PRKDC: variants seen among roughly 807,000 people sequenced by gnomAD.
PRKDC encodes DNA-dependent protein kinase catalytic subunit.
A neutral mutation model predicts 486.9 loss-of-function variants in PRKDC; 82 were observed. The observed-to-expected ratio is 0.17, with a 90% CI of 0.14 to 0.20. The LOEUF (loss-of-function observed/expected upper bound fraction) is 0.20, where lower values mean the gene tolerates loss of function less well. PRKDC is among the 10% of genes least tolerant of loss of function. The pLI is 1.00. For missense variants in PRKDC, 4,504 were observed against 5,038.2 expected (o/e 0.89, Z 3.21); for synonymous variants, 1,895 against 1,837.0 (o/e 1.03, Z -0.81).
chr8:47,805,141 GATCA>G (rs1305771943), intron 69 of PRKDC: 3 of 151,998 alleles, frequency 2.0e-5, no homozygotes, highest in African/African-American at 7.3e-5. Context: ...AAATGTTTGT[GATCA>G]ATTAGTTGCA....
At chr8:47,853,491 A>G (rs550259783) in intron 51 of PRKDC, among the ~76,000 whole-genome samples, 1 of 152,232 alleles carries the variant, frequency 6.6e-6, no homozygotes, top group South Asian at 2.1e-4. Flanking sequence ...GAGCAGGACA[A>G]AGATGTCCTG....
chr8:47,953,475 CG>C, intron 7 of PRKDC, 144 bp downstream of exon 7: 1 of 761,250 alleles, frequency 1.3e-6, no homozygotes, highest in Non-Finnish European at 2.2e-6. Context: ...CAGGGGAACT[CG>C]GGAGGGCCCA....
chr8:47,943,478 T>C (rs2090480210), intron 9 of PRKDC, 112 bp from the exon 10 acceptor site: 8 of 1,126,284 alleles, frequency 7.1e-6, no homozygotes, highest in Non-Finnish European at 9.9e-6. Context: ...GAAGATCTAG[T>C]ACCATTACAC....
intron 73 of PRKDC, among the ~76,000 whole-genome samples, chr8:47,796,639 G>A (rs1405022035): frequency 4.6e-5 from 7 of 151,002 alleles, no homozygotes; most frequent in Non-Finnish European, 2.9e-5. Flanking sequence ...TTGCTCTGTC[G>A]TCTAGGCTAG....
intron 48 of PRKDC, among the ~76,000 whole-genome samples, chr8:47,857,652 C>A (rs1284733170): frequency 6.6e-6 from 1 of 152,170 alleles, no homozygotes; most frequent in African/African-American, 2.4e-5. Flanking sequence ...CTGCCAGCAG[C>A]TTGATCTCAG....
intron 40 of PRKDC, among the ~76,000 whole-genome samples, chr8:47,870,433 A>C (rs2088925205): frequency 6.6e-6 from 1 of 152,200 alleles, no homozygotes; most frequent in Non-Finnish European, 1.5e-5. Context: ...TTGTACCAAG[A>C]CCACTAAGGT....
At chr8:47,811,489 G>T (rs1269055032) in intron 68 of PRKDC, among the ~76,000 whole-genome samples, 1 of 152,176 alleles carries the variant, frequency 6.6e-6, no homozygotes, top group Non-Finnish European at 1.5e-5. Flanking sequence ...GTACAGTGTG[G>T]TAAGTATAAT....
Position 47,782,798 on chromosome 8 carries a change from T to C in PRKDC, c.11176-200A>G. 1 of 598,614 alleles carries C rather than the reference T, an allele frequency of 1.7e-6. No homozygotes were observed. 37.1% of individuals were successfully genotyped at this position (598,614 alleles called of 1,614,324 possible). ...TGTGCCCGCAGAAATGTTGTATTCC[T>C]GATTATAAATACTTGCTTATGAATG... On this transcript the variant is annotated intron_variant, in intron 78 of 85. Transcript: ENST00000314191. This position sits in a 1 kb window ranked among gnomAD's most constrained non-coding sequence, Gnocchi z 4.9.
intron 40 of PRKDC, among the ~76,000 whole-genome samples, chr8:47,868,431 GT>G (rs1465391831): frequency 6.6e-6 from 1 of 151,860 alleles, no homozygotes; most frequent in East Asian, 1.9e-4. Flanking sequence ...AAGGCTGGGC[GT>G]GATAGCATGC....
Position 47,877,758 on chromosome 8 carries a change from A to C in PRKDC, c.5329T>G (p.Leu1777Val), listed in dbSNP as rs1407710340. 9 of 1,595,202 alleles carry C rather than the reference A, an allele frequency of 5.6e-6. No individual in the cohort carries two copies. The highest frequency in any genetic ancestry group is 3.4e-5 in the Admixed American group (2 of 58,514). ...CREQQHVMEE[L>V]FQSSFRRIAR... ...ATCCTCCTGAAACTGGATTGAAATAATTCTTCCATGACATGCTGCTGTTCC... is the reference window on the plus strand; with the variant it reads ...ATCCTCCTGAAACTGGATTGAAATACTTCTTCCATGACATGCTGCTGTTCC... The change falls in exon 40 of 86, where the codon TTA becomes GTA. Residue 1777 changes from leucine (L) to valine (V), a missense_variant. Coordinates refer to ENST00000314191, the MANE Select transcript of PRKDC (RefSeq NM_006904.7).
intron 62 of PRKDC, among the ~76,000 whole-genome samples, chr8:47,827,554 A>C (rs1442887369): frequency 6.6e-6 from 1 of 152,190 alleles, no homozygotes; most frequent in East Asian, 1.9e-4. Context: ...GACTTCTCTG[A>C]CCACTGCATC....
At chr8:47,792,273 T>G (rs928687576) in intron 74 of PRKDC, among the ~76,000 whole-genome samples, 1 of 150,906 alleles carries the variant, frequency 6.6e-6, no homozygotes, top group Non-Finnish European at 1.5e-5. Flanking sequence ...TTTTTTTTTT[T>G]GTTGAGACAG....
chr8:47,898,097 T>G (rs1451359031), intron 29 of PRKDC, among the ~76,000 whole-genome samples: 1 of 152,242 alleles, frequency 6.6e-6, no homozygotes, highest in African/African-American at 2.4e-5. Flanking sequence ...ATGTTACTAT[T>G]TGAACATTCA....
chr8:47,787,954 A>T (rs2086818041), intron 76 of PRKDC, among the ~76,000 whole-genome samples: 1 of 152,256 alleles, frequency 6.6e-6, no homozygotes, highest in Admixed American at 6.5e-5. Flanking sequence ...CATGTGAATT[A>T]TATAGTAACA....
chr8:47,895,985 G>A (rs180931307), intron 30 of PRKDC, among the ~76,000 whole-genome samples: 1 of 152,048 alleles, frequency 6.6e-6, no homozygotes, highest in African/African-American at 2.4e-5. Flanking sequence ...GCTGCAGTGA[G>A]CCAAGATCGT....
At chr8:47,861,048 G>T in intron 44 of PRKDC, 77 bp from the exon 45 acceptor site, 1 of 954,708 alleles carries the variant, frequency 1.0e-6, no homozygotes, top group Non-Finnish European at 1.5e-6. Flanking sequence ...GTAGCAATCT[G>T]GCAAAAAAAA....
At chr8:47,812,351 G>A (rs2154498645) in intron 68 of PRKDC, among the ~76,000 whole-genome samples, 1 of 152,152 alleles carries the variant, frequency 6.6e-6, no homozygotes, top group South Asian at 2.1e-4. Flanking sequence ...AGTTTACATA[G>A]GTATTTACTA....
intron 32 of PRKDC, among the ~76,000 whole-genome samples, 143 bp downstream of exon 32, chr8:47,890,089 TCTTCCTGAAGTCAGGAAAAGCTGGG>T (rs2089427385): frequency 1.3e-5 from 2 of 151,784 alleles, no homozygotes; most frequent in Admixed American, 1.3e-4. Flanking sequence ...TCTTCCTGGT[TCTTCCTGAAGTCAGGAAAAGCTGGG>T]TTGAGAGGAT....
chr8:47,899,857 T>A (rs1285954527), intron 28 of PRKDC, among the ~76,000 whole-genome samples: 2 of 152,218 alleles, frequency 1.3e-5, no homozygotes, highest in Non-Finnish European at 2.9e-5. Flanking sequence ...TTGTAATCAT[T>A]TATTACTCTC....
Sources: gnomAD v4.1 joint callset for allele counts (sites outside exome capture counted in the v4.1 genomes callset) on GRCh38, gnomAD v4.1.1 for gene constraint, Gnocchi (gnomAD v3.1) non-coding constraint, MANE v1.5 for transcripts, NCBI Gene and HGNC (gene_info 2026-07-23, HGNC 2026-07-21) for gene names.